Variants in C6 observed in about 807,000 individuals in gnomAD.
C6 encodes the protein complement component C6.
A neutral mutation model predicts 112.9 loss-of-function variants in C6; 101 were observed. The ratio of observed to expected loss-of-function variants is 0.89; its 90% CI spans 0.76 to 1.06. The LOEUF (loss-of-function observed/expected upper bound fraction) is 1.06, where lower values mean the gene tolerates loss of function less well. Among genes scored for constraint, C6 ranks in the 50% least tolerant of loss-of-function variants. The probability of loss-of-function intolerance (pLI) is 0.00; values close to 1 mark genes in which losing one functional copy is unlikely to be tolerated. For synonymous variants in C6, 431 were observed against 384.1 expected (o/e 1.12, Z -1.43); for missense variants, 1,202 against 1,104.6 (o/e 1.09, Z -1.25).
At position 41,253,035 on chromosome 5, in the gene C6, A is replaced by T. The variant is rs565492416; in HGVS notation, c.-21+8159T>A. ...CCATGGTCTGTCATATTTGAGTCAT[A>T]TTTGGCTCAGAATAAACTTCTTCAA... On this transcript the variant is annotated intron_variant, in intron 1 of 17. Coordinates refer to the C6 transcript ENST00000263413. Among the ~76,000 whole-genome samples, 17 of 152,296 alleles carry T rather than the reference A, an allele frequency of 1.1e-4. No homozygotes were observed. The South Asian group carries it at 3.5e-3, about 32-fold the overall frequency.
At chr5:41,208,824 C>G (rs1482160245) in intron 1 of C6, among the ~76,000 whole-genome samples, 1 of 152,018 alleles carries the variant, frequency 6.6e-6, no homozygotes, top group Non-Finnish European at 1.5e-5. Flanking sequence ...CCTTCTGAAA[C>G]TATTCCAATC....
chr5:41,210,377 TA>T (rs1242311929), intron 1 of C6, among the ~76,000 whole-genome samples: 1 of 152,130 alleles, frequency 6.6e-6, no homozygotes, highest in Non-Finnish European at 1.5e-5. Context: ...GGGATCTAAT[TA>T]AACTAAAGAG....
intron 9 of C6, 97 bp from the exon 10 acceptor site, chr5:41,161,956 T>C: frequency 1.7e-6 from 2 of 1,192,674 alleles, no homozygotes; most frequent in Non-Finnish European, 2.5e-6. Context: ...AAGGGAGAAG[T>C]AGATGGTACA....
intron 1 of C6, among the ~76,000 whole-genome samples, chr5:41,257,745 C>A (rs1286092026): frequency 1.3e-5 from 2 of 152,134 alleles, no homozygotes; most frequent in Non-Finnish European, 2.9e-5. Flanking sequence ...ACAGTCTATT[C>A]TCCCATCTAA....
intron 5 of C6, among the ~76,000 whole-genome samples, chr5:41,193,252 C>T (rs1264593494): frequency 6.6e-6 from 1 of 152,114 alleles, no homozygotes; most frequent in Non-Finnish European, 1.5e-5. Flanking sequence ...AAGGTGACAG[C>T]TATTTGTGGA....
chr5:41,158,451 A>T (rs1747129272), intron 13 of C6, among the ~76,000 whole-genome samples: 1 of 152,200 alleles, frequency 6.6e-6, no homozygotes, highest in Admixed American at 6.5e-5. Flanking sequence ...CTTTCCAAGA[A>T]ACCCAAGCAA....
At chr5:41,214,510 T>C (rs1404863122), upstream of C6, among the ~76,000 whole-genome samples, 3 of 152,144 alleles carry the variant, frequency 2.0e-5, no homozygotes, top group South Asian at 4.1e-4. Flanking sequence ...TTTTTCTCTC[T>C]CTTATACTAC....
chr5:41,188,328 G>C (rs1749943797), intron 5 of C6, among the ~76,000 whole-genome samples: 1 of 152,054 alleles, frequency 6.6e-6, no homozygotes, highest in Non-Finnish European at 1.5e-5. Context: ...TCGTGAGAAA[G>C]AAGGACAAAG....
intron 6 of C6, among the ~76,000 whole-genome samples, chr5:41,183,846 G>A (rs913658537): frequency 6.6e-6 from 1 of 152,116 alleles, no homozygotes; most frequent in Admixed American, 6.6e-5. Flanking sequence ...GATACAGCTG[G>A]AGACCATTAT....
chr5:41,188,740 G>A (rs1227570825), intron 5 of C6, among the ~76,000 whole-genome samples: 1 of 151,832 alleles, frequency 6.6e-6, no homozygotes, highest in African/African-American at 2.4e-5. Flanking sequence ...GACATTAAAA[G>A]CACATTCAAC....
At chr5:41,259,819 G>A (rs1307092578) in intron 1 of C6, among the ~76,000 whole-genome samples, 5 of 152,142 alleles carry the variant, frequency 3.3e-5, no homozygotes, top group East Asian at 1.9e-4. Context: ...TAGGGACACC[G>A]TCAGCTTTCA....
At chr5:41,250,120 G>A (rs1015820394) in intron 1 of C6, among the ~76,000 whole-genome samples, 39 of 152,276 alleles carry the variant, frequency 2.6e-4, no homozygotes, top group African/African-American at 8.7e-4. Flanking sequence ...GGTATCGGGG[G>A]AATTTAATAT....
chr5:41,221,759 C>CA (rs1477693260), intron 1 of C6, among the ~76,000 whole-genome samples: 1 of 152,144 alleles, frequency 6.6e-6, no homozygotes, highest in African/African-American at 2.4e-5. Context: ...AAAAGTTATT[C>CA]AATCCATCAT....
At chr5:41,204,081 G>A (rs532760407) in intron 1 of C6, among the ~76,000 whole-genome samples, 1 of 152,284 alleles carries the variant, frequency 6.6e-6, no homozygotes, top group East Asian at 1.9e-4. Flanking sequence ...GTTATTGCCA[G>A]TTTAATCGTT....
chr5:41,249,884 G>T lies in C6; in HGVS notation c.-21+11310C>A, dbSNP rs868234099. Among the ~76,000 whole-genome samples the T allele has an allele frequency of 5.7e-4, 87 of 152,040 alleles. 1 individual carries two copies. The highest frequency in any genetic ancestry group is 2.1e-3 in the African/African-American group (85 of 41,380). Reference sequence around the variant, plus strand: ...TACTCATAAGAAAACTGACAAAAATGTGTTTCAGAGTCATGTTTAAAAAAA... The same window carrying T: ...TACTCATAAGAAAACTGACAAAAATTTGTTTCAGAGTCATGTTTAAAAAAA... On this transcript the variant is annotated intron_variant, in intron 1 of 17. Coordinates refer to the C6 transcript ENST00000263413.
Position 41,153,842 on chromosome 5 carries a change from G to T in C6, c.2258C>A (p.Pro753Gln). ...ACAGGTGAGAGAGTTTGAAATGGGT[G>T]GTGTCCAGGAATTCCCCTGGCATGT... The part of the protein sequence containing the change: ...RYTCQGNSWT[P>Q]PISNSLTCEK... The change falls in exon 15 of 18, where the codon CCA becomes CAA. Residue 753 changes from proline to glutamine, a missense_variant. Coordinates refer to ENST00000337836, the MANE Select transcript of C6 (RefSeq NM_000065.5). 1 of 1,613,286 alleles carries T rather than the reference G, an allele frequency of 6.2e-7. No individual in the cohort carries two copies. Among genetic ancestry groups the T allele is most frequent in the Non-Finnish European group, 8.5e-7 (1 of 1,179,656 alleles).
intron 9 of C6, among the ~76,000 whole-genome samples, chr5:41,169,611 A>C (rs2150294980): frequency 6.6e-6 from 1 of 152,260 alleles, no homozygotes; most frequent in South Asian, 2.1e-4. Context: ...GAAGCCTGGC[A>C]GGGGAGGCCT....
At chr5:41,200,882 GTTGTTGTTGTTTT>G (rs1162267022) in intron 3 of C6, among the ~76,000 whole-genome samples, 1 of 73,648 alleles carries the variant, frequency 1.4e-5, no homozygotes, top group Admixed American at 1.7e-4. Flanking sequence ...TGTTGTTGTT[GTTGTTGTTGTTTT>G]TTTTTTTTTT....
intron 9 of C6, among the ~76,000 whole-genome samples, chr5:41,166,024 G>T (rs1038627519): frequency 2.6e-5 from 4 of 152,026 alleles, no homozygotes; most frequent in African/African-American, 9.7e-5. Context: ...GAATTTCTTG[G>T]CAAGGTATTT....
Sources: allele counts gnomAD v4.1 joint callset (sites outside exome capture counted in the v4.1 genomes callset), GRCh38; gene constraint gnomAD v4.1.1; transcripts MANE v1.5; gene names NCBI Gene and HGNC (gene_info 2026-07-23, HGNC 2026-07-21).